The following DNAH5 variants were observed in gnomAD, a reference collection of about 807,000 sequenced individuals.
DNAH5 encodes dynein axonemal heavy chain 5.
Under a neutral mutation model 518.2 loss-of-function variants are expected in DNAH5, and 372 were observed. The observed-to-expected ratio is 0.72, with a 90% CI of 0.66 to 0.78. The LOEUF (loss-of-function observed/expected upper bound fraction) is 0.78. Among genes scored for constraint, DNAH5 ranks in the 30% least tolerant of loss-of-function variants. The pLI, the probability that DNAH5 is intolerant of heterozygous loss-of-function variation, is 0.00. For synonymous variants in DNAH5, 2,039 were observed against 2,025.9 expected (o/e 1.01, Z -0.17); for missense variants, 5,523 against 5,687.0 (o/e 0.97, Z 0.93).
chr5:13,954,526 A>C (rs1422322452), intron 1 of DNAH5, among the ~76,000 whole-genome samples: 3 of 152,256 alleles, frequency 2.0e-5, no homozygotes, highest in African/African-American at 7.2e-5. Flanking sequence ...AAAATGTAAA[A>C]GCTTAAATAA....
intron 61 of DNAH5, among the ~76,000 whole-genome samples, chr5:13,757,186 T>C (rs1030132112): frequency 6.6e-6 from 1 of 152,246 alleles, no homozygotes; most frequent in African/African-American, 2.4e-5. Flanking sequence ...GGTGGCTTTA[T>C]AACAGAACGA....
In DNAH5 at chr5:13,820,499, C is replaced by T. The variant is rs754225554; in HGVS notation, c.6688G>A (p.Val2230Ile). The change falls in exon 41 of 79, where the codon GTT (valine) becomes ATT (isoleucine). Residue 2230 changes from valine to isoleucine, a missense_variant and splice_region_variant. Physicochemically the swap from Val to Ile is conservative, Grantham distance 29. Coordinates refer to ENST00000265104, the MANE Select transcript of DNAH5 (RefSeq NM_001369.3). ...PELEAAISRQ[V>I]EEAGLINHPP... ...TGGTTGATTAAACCAGCTTCTTCAACCTGAAAACATAAGAGAATCCCCACA... is the reference window on the plus strand; with the variant it reads ...TGGTTGATTAAACCAGCTTCTTCAATCTGAAAACATAAGAGAATCCCCACA... 5 of 1,613,788 alleles carry T rather than the reference C, an allele frequency of 3.1e-6. No homozygotes were observed. The highest frequency in any genetic ancestry group is 4.2e-6 in the Non-Finnish European group (5 of 1,180,018).
Position 13,776,623 on chromosome 5 carries a change from G to C in DNAH5, c.9189C>G (p.Cys3063Trp). Residue 3063 changes from cysteine (C) to tryptophan (W), a missense_variant, in exon 55 of 79, where the codon TGC becomes TGG. Cys to Trp is a radical substitution (Grantham distance 215, BLOSUM62 -2). Around this residue, in one of 3 missense-constraint regions of DNAH5, gnomAD observed 5,121 missense variants for 5,223.3 expected, o/e 0.98. Coordinates refer to ENST00000265104, the MANE Select transcript of DNAH5 (RefSeq NM_001369.3). The stretch of plus-strand genomic sequence containing the variant: ...CGTGCAGGTTCTCATTGGTAGGAAG[G>C]CACCTGGGGAATTCTTTTTTCATGA... ...ASVMKKEFPR[C>W]LPTNENLHDY... 1 of 1,613,880 alleles carries C rather than the reference G, an allele frequency of 6.2e-7. No homozygotes were observed. The highest frequency in any genetic ancestry group is 1.1e-5 in the South Asian group (1 of 91,082).
rs141109333 is a variant in DNAH5, at chr5:13,700,955, C to T, written c.13492-84G>A. 5.2e-5 allele frequency: 72 copies of T among 1,382,778 alleles called. No individual in the cohort carries two copies. In the East Asian group the frequency reaches 1.2e-3, roughly 24 times the overall value. 85.7% of individuals were successfully genotyped at this position (1,382,778 alleles called of 1,614,324 possible). A position where few individuals can be genotyped will look rare whatever the true frequency, so the allele number is the denominator to read the frequency against. ...CATAACAATAATGAAAGCTTGGCTC[C>T]GAATCACTCTAACTCGAAGGACGTA... On this transcript the variant is annotated intron_variant, in intron 77 of 78. Coordinates refer to ENST00000265104, the MANE Select transcript of DNAH5 (RefSeq NM_001369.3).
At chr5:13,923,005 G>C (rs1199306597) in intron 4 of DNAH5, among the ~76,000 whole-genome samples, 1 of 151,978 alleles carries the variant, frequency 6.6e-6, no homozygotes. Flanking sequence ...TTATGCATGG[G>C]GAATTCATTA....
At chr5:13,974,838 C>A (rs1360737288) in intron 1 of DNAH5, among the ~76,000 whole-genome samples, 1 of 152,172 alleles carries the variant, frequency 6.6e-6, no homozygotes, top group Non-Finnish European at 1.5e-5. Flanking sequence ...TCTGAGCCCA[C>A]CTTGCCAGGA....
chr5:13,751,235 T>A lies in DNAH5; in HGVS notation c.11054A>T (p.Asp3685Val). ...GTAGAGTCTAAAGCCATCCAACACA[T>A]CTACTTCCTTGTCACCAACTTTCAC... ...FKVKVGDKEV[D>V]VLDGFRLYIT... Residue 3685 changes from aspartate (D) to valine (V), a missense_variant, in exon 65 of 79, where the codon GAT becomes GTT. Asp to Val is a radical substitution (Grantham distance 152). Transcript: ENST00000265104. 6.2e-7 allele frequency: 1 copy of A among 1,613,760 alleles called. No homozygotes were observed.
intron 1 of DNAH5, among the ~76,000 whole-genome samples, chr5:14,007,472 G>C (rs899394882): frequency 1.3e-5 from 2 of 152,222 alleles, no homozygotes; most frequent in African/African-American, 4.8e-5. Flanking sequence ...CTTCAAAAAA[G>C]AAAGATATTC....
At chr5:13,823,416 C>T (rs756391259) in intron 39 of DNAH5, 46 bp from the exon 40 acceptor site, 15 of 1,270,834 alleles carry the variant, frequency 1.2e-5, no homozygotes, top group Non-Finnish European at 1.7e-5. Context: ...CTGGTATAAA[C>T]ATATCAATAT....
rs80285311 is a variant in DNAH5 at position 13,954,811 on chromosome 5, C to T, written c.13-23567G>A. Among the ~76,000 whole-genome samples the T allele has an allele frequency of 1.1e-3, 172 of 152,310 alleles. 2 individuals are homozygous for T. Among genetic ancestry groups the T allele is most frequent in the African/African-American group, 3.9e-3 (162 of 41,564 alleles). On this transcript the variant is annotated intron_variant, in intron 1 of 78. Transcript: ENST00000681290. ...TGAGTGAGGCCTGTTCTGCCTTCCA[C>T]ATTGGGACATCTCTGACTCTTTCTC...
intron 70 of DNAH5, among the ~76,000 whole-genome samples, chr5:13,727,153 C>T (rs1341943866): frequency 1.3e-5 from 2 of 152,152 alleles, no homozygotes; most frequent in African/African-American, 4.8e-5. Context: ...CACTGTTTTA[C>T]TACCAGCAAA....
chr5:13,700,521 G>C (rs762303341), intron 78 of DNAH5, 119 bp downstream of exon 78: 1 of 971,938 alleles, frequency 1.0e-6, no homozygotes, highest in Non-Finnish European at 1.6e-6. Context: ...TGAATGTAAA[G>C]CTAATAGATA....
chr5:13,957,823 C>A (rs1780867910), intron 1 of DNAH5, among the ~76,000 whole-genome samples: 1 of 151,080 alleles, frequency 6.6e-6, no homozygotes, highest in Non-Finnish European at 1.5e-5. Flanking sequence ...TTTAAATATA[C>A]TTTATTATTA....
At chr5:13,890,406 CA>C (rs35655538) in intron 17 of DNAH5, among the ~76,000 whole-genome samples, 38,701 of 136,754 alleles carry the variant, frequency 0.28, 5,326 homozygotes, top group African/African-American at 0.37. Context: ...GACTCCATCT[CA>C]AAAAAAAAAA....
intron 62 of DNAH5, 134 bp downstream of exon 62, chr5:13,754,069 G>C: frequency 2.9e-6 from 3 of 1,023,766 alleles, no homozygotes; most frequent in Non-Finnish European, 4.5e-6. Flanking sequence ...GGGTACATGC[G>C]CACAATGTGC....
At chr5:13,805,276 G>T (rs899047697) in intron 47 of DNAH5, among the ~76,000 whole-genome samples, 4 of 152,102 alleles carry the variant, frequency 2.6e-5, no homozygotes. Context: ...CAGGAGGGCA[G>T]ATCATGAGGT....
At chr5:13,853,945 C>A (rs1010643928) in intron 30 of DNAH5, among the ~76,000 whole-genome samples, 4 of 152,166 alleles carry the variant, frequency 2.6e-5, no homozygotes, top group East Asian at 1.9e-4. Flanking sequence ...TTAGAAAACA[C>A]TCTTCAGGAT....
chr5:13,833,457 A>G (rs2151843945), intron 35 of DNAH5, among the ~76,000 whole-genome samples: 1 of 150,704 alleles, frequency 6.6e-6, no homozygotes, highest in Non-Finnish European at 1.5e-5. Flanking sequence ...AAAAAAAAAA[A>G]GTGTTATCAG....
chr5:13,837,360 G>C (rs887139934), intron 35 of DNAH5, among the ~76,000 whole-genome samples: 1 of 152,184 alleles, frequency 6.6e-6, no homozygotes, highest in Non-Finnish European at 1.5e-5. Context: ...GGTTCGCTGG[G>C]TAGAAGCAAT....
Sources: gnomAD v4.1 joint callset for allele counts (sites outside exome capture counted in the v4.1 genomes callset) on GRCh38, gnomAD v4.1.1 for gene constraint, gnomAD v4.1.1 regional missense constraint, MANE v1.5 for transcripts, NCBI Gene and HGNC (gene_info 2026-07-23, HGNC 2026-07-21) for gene names.